ELOVL5: variants seen among roughly 807,000 people sequenced by gnomAD.
The protein encoded by ELOVL5 is very long chain fatty acid elongase 5.
A neutral mutation model predicts 38.6 loss-of-function variants in ELOVL5; 8 were observed. That is an observed-to-expected ratio of 0.21 (90% CI 0.12 to 0.37). ELOVL5 has a LOEUF of 0.37. Among genes scored for constraint, ELOVL5 ranks in the 10% least tolerant of loss-of-function variants. The pLI is 1.00. For synonymous variants in ELOVL5, 127 were observed against 133.7 expected, an observed-to-expected ratio of 0.95 and a Z score of 0.34; for missense variants, 280 against 367.8, an observed-to-expected ratio of 0.76 and a Z score of 1.95.
intron 1 of ELOVL5, among the ~76,000 whole-genome samples, chr6:53,332,682 C>A (rs1262765930): frequency 6.6e-6 from 1 of 152,124 alleles, no homozygotes; most frequent in African/African-American, 2.4e-5. Context: ...GTCAAAAATT[C>A]ATTTTTCTGA....
intron 1 of ELOVL5, among the ~76,000 whole-genome samples, chr6:53,297,490 G>A (rs543320576): frequency 2.0e-5 from 3 of 152,206 alleles, no homozygotes; most frequent in Admixed American, 1.3e-4. Context: ...TTTGTCCAGC[G>A]TATCCTCACC....
chr6:53,284,245 A>G (rs1297498151), intron 3 of ELOVL5, among the ~76,000 whole-genome samples: 1 of 151,880 alleles, frequency 6.6e-6, no homozygotes, highest in East Asian at 1.9e-4. Flanking sequence ...GTTTGAGGTT[A>G]CAATGAGCTA....
At chr6:53,276,985 G>C (rs550365517) in intron 3 of ELOVL5, 2 of 148,622 alleles carry the variant, frequency 1.3e-5, no homozygotes, top group Non-Finnish European at 3.0e-5. Flanking sequence ...CCAGAACTGG[G>C]GTACAGGCTC....
chr6:53,300,342 C>T lies in ELOVL5; in HGVS notation c.-8-4635G>A, dbSNP rs146425775. On this transcript the variant is annotated intron_variant, in intron 1 of 7. Coordinates refer to ENST00000304434, the MANE Select transcript of ELOVL5 (RefSeq NM_021814.5). ...TTTCATTCATACCACACACCGAGTG[C>T]CTACCACATGCTAGGCACGGAGACC... is the stretch of plus-strand genomic sequence containing the variant. Among the ~76,000 whole-genome samples the T allele has an allele frequency of 2.9e-3, 434 of 152,264 alleles. 4 individuals are homozygous for T. The highest frequency in any genetic ancestry group is 9.9e-3 in the African/African-American group (411 of 41,544).
intron 1 of ELOVL5, among the ~76,000 whole-genome samples, chr6:53,299,120 C>T (rs1767142596): frequency 6.6e-6 from 1 of 152,030 alleles, no homozygotes; most frequent in Admixed American, 6.6e-5. Context: ...GAAAAGGATC[C>T]AGATATAGTA....
chr6:53,315,300 A>C (rs1257462361), intron 1 of ELOVL5, among the ~76,000 whole-genome samples: 1 of 152,170 alleles, frequency 6.6e-6, no homozygotes, highest in Non-Finnish European at 1.5e-5. Flanking sequence ...GACCTCATCT[A>C]AACTTAATTA....
intron 1 of ELOVL5, among the ~76,000 whole-genome samples, chr6:53,304,417 CACACAA>C (rs1767394506): frequency 6.7e-6 from 1 of 148,804 alleles, no homozygotes; most frequent in Admixed American, 7.3e-5. Context: ...TGCATGTACA[CACACAA>C]ACACACACAC....
At chr6:53,328,351 C>T (rs1207456125) in intron 1 of ELOVL5, among the ~76,000 whole-genome samples, 1 of 151,998 alleles carries the variant, frequency 6.6e-6, no homozygotes, top group Non-Finnish European at 1.5e-5. Context: ...TACAGTAGCT[C>T]AACTGTACTG....
At chr6:53,339,309 ATACT>A (rs774678508) in intron 1 of ELOVL5, among the ~76,000 whole-genome samples, 4 of 152,202 alleles carry the variant, frequency 2.6e-5, no homozygotes, top group Non-Finnish European at 4.4e-5. Flanking sequence ...AGGAATGCTG[ATACT>A]TATAGCCATT....
intron 3 of ELOVL5, among the ~76,000 whole-genome samples, chr6:53,281,869 T>C (rs1766378379): frequency 6.6e-6 from 1 of 151,960 alleles, no homozygotes; most frequent in Admixed American, 6.6e-5. Flanking sequence ...CCCTGGGTTA[T>C]AGCTGAACGT....
chr6:53,296,032 T>G (rs765952605), intron 1 of ELOVL5, among the ~76,000 whole-genome samples: 2 of 152,000 alleles, frequency 1.3e-5, no homozygotes, highest in Non-Finnish European at 2.9e-5. Context: ...GAATGAGAGG[T>G]GGCAGACAGG....
chr6:53,312,741 T>TA (rs899371834), intron 1 of ELOVL5, among the ~76,000 whole-genome samples: 22 of 152,306 alleles, frequency 1.4e-4, no homozygotes, highest in Non-Finnish European at 3.1e-4. Context: ...TTCAATTTTT[T>TA]AAAAAAATCT....
At chr6:53,329,821 C>T (rs1322960125) in intron 1 of ELOVL5, among the ~76,000 whole-genome samples, 3 of 151,940 alleles carry the variant, frequency 2.0e-5, no homozygotes, top group Non-Finnish European at 4.4e-5. Context: ...AAGACTTCGT[C>T]TCAGAAAAAA....
At chr6:53,315,804 T>C (rs1233417000) in intron 1 of ELOVL5, among the ~76,000 whole-genome samples, 1 of 152,300 alleles carries the variant, frequency 6.6e-6, no homozygotes, top group East Asian at 1.9e-4. Context: ...GGAGGACAGA[T>C]CTCCAGACCA....
intron 1 of ELOVL5, among the ~76,000 whole-genome samples, chr6:53,298,902 G>GGC (rs1767133726): frequency 6.8e-6 from 1 of 147,544 alleles, no homozygotes; most frequent in African/African-American, 2.5e-5. Context: ...GGGCAAGGCG[G>GGC]GGGGGGGGAG....
chr6:53,278,482 T>C (rs530431110), intron 3 of ELOVL5, among the ~76,000 whole-genome samples: 4 of 152,290 alleles, frequency 2.6e-5, no homozygotes, highest in Admixed American at 2.0e-4. Context: ...CCAGGTGGGA[T>C]TGCCTTGACT....
chr6:53,294,217 C>A (rs1471758245), intron 2 of ELOVL5: 4 of 1,488,376 alleles, frequency 2.7e-6, no homozygotes, highest in African/African-American at 2.8e-5. Flanking sequence ...CGAACTCCAG[C>A]CCCAGGTAGA....
intron 1 of ELOVL5, among the ~76,000 whole-genome samples, chr6:53,346,600 TAAAA>T (rs907029968): frequency 1.3e-5 from 2 of 148,214 alleles, no homozygotes; most frequent in Admixed American, 1.3e-4. Context: ...GAGGAGGAAT[TAAAA>T]AAAAAAATTA....
chr6:53,300,304 C>T (rs1457060929), intron 1 of ELOVL5, among the ~76,000 whole-genome samples: 1 of 152,156 alleles, frequency 6.6e-6, no homozygotes, highest in Non-Finnish European at 1.5e-5. Context: ...TCCCTCAATA[C>T]CATGTACTCA....
Sources: allele counts gnomAD v4.1 joint callset (sites outside exome capture counted in the v4.1 genomes callset), GRCh38; gene constraint gnomAD v4.1.1; transcripts MANE v1.5; gene names NCBI Gene and HGNC (gene_info 2026-07-23, HGNC 2026-07-21).